Variants in TJP3 observed in about 807,000 individuals in gnomAD.
TJP3 encodes the protein tight junction protein 3, also known as tight junction protein ZO-3.
In TJP3, 85 loss-of-function variants were observed where a neutral mutation model predicts 104.2. That is an observed-to-expected ratio of 0.82 (90% confidence interval 0.68 to 0.98). The LOEUF (loss-of-function observed/expected upper bound fraction) is 0.98. Among genes scored for constraint, TJP3 ranks in the 50% least tolerant of loss-of-function variants. The probability of loss-of-function intolerance (pLI) is 0.00; values close to 1 mark genes in which losing one functional copy is unlikely to be tolerated. For synonymous variants in TJP3, 550 were observed against 550.6 expected, an observed-to-expected ratio of 1.00 and a Z score of 0.02; for missense variants, 1,367 against 1,322.8, an observed-to-expected ratio of 1.03 and a Z score of -0.52.
At position 3,750,763 on chromosome 19, in the gene TJP3, A is replaced by C. The variant is rs1457899874; in HGVS notation, c.*79A>C. 6.4e-6 allele frequency: 8 copies of C among 1,254,388 alleles called. No individual in the cohort carries two copies. The highest frequency in any genetic ancestry group is 9.1e-6 in the Non-Finnish European group (8 of 878,690). 77.7% of individuals were successfully genotyped at this position (1,254,388 alleles called of 1,614,324 possible). On this transcript the variant is annotated 3_prime_UTR_variant, in exon 21 of 21. Transcript: ENST00000541714. ...ACTCAGTTTCCCATACAGAACCCAC[A>C]ACCTTACCTCCCTCCGCCTGGTCTT... is the stretch of plus-strand genomic sequence containing the variant.
Position 3,740,771 on chromosome 19 carries a change from C to T in TJP3, c.1843+8C>T. Reference sequence around the variant, plus strand: ...GAGTGGTGTTGCGAGAAGGTGGGGCCCGGAGCTGGAGGGGCCCTGGGGAGG... The same window carrying T: ...GAGTGGTGTTGCGAGAAGGTGGGGCTCGGAGCTGGAGGGGCCCTGGGGAGG... On this transcript the variant is annotated splice_region_variant and intron_variant, in intron 14 of 20. Transcript: ENST00000541714. The T allele has an allele frequency of 6.4e-7, 1 of 1,556,214 alleles. No individual in the cohort carries two copies. The highest frequency in any genetic ancestry group is 8.7e-7 in the Non-Finnish European group (1 of 1,152,102).
intron 1 of TJP3, among the ~76,000 whole-genome samples, chr19:3,724,201 CTTT>C (rs915401225): frequency 1.4e-5 from 2 of 145,764 alleles, no homozygotes; most frequent in South Asian, 2.2e-4. Context: ...GGGGCTGTCT[CTTT>C]TTTTTTTTTG....
chr19:3,746,491 C>G lies in TJP3; in HGVS notation c.2017C>G (p.His673Asp). 1 of 1,613,862 alleles carries G rather than the reference C, an allele frequency of 6.2e-7. No individual in the cohort carries two copies. The highest frequency in any genetic ancestry group is 8.5e-7 in the Non-Finnish European group (1 of 1,179,986). ...TVRVIAEKDK[H>D]ALLDVTPSAI... Reference sequence around the variant, plus strand: ...GTCCGCCGGCCTGGCCCAGGACAAGCATGCGCTCCTGGATGTGACCCCCTC... The same window carrying G: ...GTCCGCCGGCCTGGCCCAGGACAAGGATGCGCTCCTGGATGTGACCCCCTC... The change falls in exon 17 of 21, where the codon CAT becomes GAT. Residue 673 changes from histidine (H) to aspartate (D), a missense_variant. Transcript: ENST00000541714. The surrounding 1 kb of genome is among the most constrained non-coding windows in gnomAD (Gnocchi z 4.1).
intron 20 of TJP3, 138 bp from the exon 21 acceptor site, chr19:3,750,441 TAAC>T (rs1240392190): frequency 1.2e-6 from 1 of 813,512 alleles, no homozygotes; most frequent in Non-Finnish European, 2.0e-6. Context: ...AGGAGTTTGT[TAAC>T]AAGGCCCTAC....
intron 1 of TJP3, among the ~76,000 whole-genome samples, chr19:3,710,361 C>T (rs138497308): frequency 6.6e-6 from 1 of 152,064 alleles, no homozygotes; most frequent in African/African-American, 2.4e-5. Context: ...TACCCCGGGC[C>T]GCACAGCCAA....
chr19:3,736,154 T>C lies in TJP3; in HGVS notation c.1128-11T>C. ...ACTCTGCTCTGACCCCATCTCTGCCTCCCCTTGCAGGTACAGCCCCGACAC... is the reference window on the plus strand; with the variant it reads ...ACTCTGCTCTGACCCCATCTCTGCCCCCCCTTGCAGGTACAGCCCCGACAC... On this transcript the variant is annotated splice_polypyrimidine_tract_variant and intron_variant, in intron 10 of 20. Transcript: ENST00000541714. 1 of 1,576,402 alleles carries C rather than the reference T, an allele frequency of 6.3e-7. No homozygotes were observed. Among genetic ancestry groups the C allele is most frequent in the South Asian group, 1.2e-5 (1 of 85,912 alleles).
At chr19:3,740,087 C>T (rs1038146708) in intron 13 of TJP3, among the ~76,000 whole-genome samples, 2 of 152,128 alleles carry the variant, frequency 1.3e-5, no homozygotes, top group Non-Finnish European at 2.9e-5. Flanking sequence ...CAAAAATTAG[C>T]TGGGCGTGGT....
chr19:3,732,683 T>A (rs1041883152), intron 6 of TJP3, among the ~76,000 whole-genome samples: 7 of 152,062 alleles, frequency 4.6e-5, no homozygotes, highest in Admixed American at 3.9e-4. Flanking sequence ...CTAATGTTTG[T>A]ATTTTTAGAA....
intron 15 of TJP3, among the ~76,000 whole-genome samples, chr19:3,745,272 G>A (rs940957838): frequency 6.7e-6 from 1 of 150,148 alleles, no homozygotes; most frequent in African/African-American, 2.5e-5. Context: ...TAGCCACCCT[G>A]GTAGCTGGGA....
At chr19:3,731,740 T>G (rs8105785) in intron 5 of TJP3, among the ~76,000 whole-genome samples, 195 bp from the exon 6 acceptor site, 17 of 152,106 alleles carry the variant, frequency 1.1e-4, no homozygotes, top group African/African-American at 4.1e-4. Context: ...CACGGTGACC[T>G]GGTGTCCCCG....
chr19:3,731,882 C>A, intron 5 of TJP3, 53 bp from the exon 6 acceptor site: 1 of 1,517,290 alleles, frequency 6.6e-7, no homozygotes, highest in Non-Finnish European at 9.1e-7. Flanking sequence ...GAGAATGCTC[C>A]CAGGCACCCG....
chr19:3,732,239 G>A (rs1157250589), intron 6 of TJP3, among the ~76,000 whole-genome samples: 2 of 152,112 alleles, frequency 1.3e-5, no homozygotes, highest in Non-Finnish European at 1.5e-5. Flanking sequence ...ACAGCCAAAT[G>A]TCGGTTTCTA....
At chr19:3,740,812 C>A in intron 14 of TJP3, 49 bp downstream of exon 14, 2 of 1,452,296 alleles carry the variant, frequency 1.4e-6, no homozygotes, top group East Asian at 5.0e-5. Context: ...CACACAGCTC[C>A]TGGTGCACCT....
At position 3,728,626 on chromosome 19, in the gene TJP3, T is replaced by C. The variant is rs760833385; in HGVS notation, c.71T>C (p.Ile24Thr). ...LSKDPRRGFG[I>T]AISGGRDRPG... ...CAGGACCCCCGCCGGGGCTTTGGCA[T>C]TGCGATCTCTGGAGGCCGAGACCGG... Residue 24 changes from isoleucine to threonine, a missense_variant, in exon 3 of 21, where the codon ATT becomes ACT. Coordinates refer to ENST00000541714, the MANE Select transcript of TJP3 (RefSeq NM_001267560.2). 1 of 1,613,504 alleles carries C rather than the reference T, an allele frequency of 6.2e-7. No homozygotes were observed.
At position 3,746,510 on chromosome 19, in the gene TJP3, C is replaced by A. The variant is rs550951854; in HGVS notation, c.2036C>A (p.Thr679Asn). 6.2e-7 allele frequency: 1 copy of A among 1,614,002 alleles called. No individual in the cohort carries two copies. Among genetic ancestry groups the A allele is most frequent in the Non-Finnish European group, 8.5e-7 (1 of 1,180,022 alleles). ...GACAAGCATGCGCTCCTGGATGTGA[C>A]CCCCTCCGCCATCGAGCGCCTCAAC... ...EKDKHALLDVTPSAIERLNYV... is the reference protein window; with the variant it reads ...EKDKHALLDVNPSAIERLNYV... The change falls in exon 17 of 21, where the codon ACC becomes AAC. Residue 679 changes from threonine (T) to asparagine (N), a missense_variant. Transcript: ENST00000541714. The surrounding 1 kb of genome is among the most constrained non-coding windows in gnomAD (Gnocchi z 4.1).
At chr19:3,742,306 G>A (rs1339770014) in intron 14 of TJP3, among the ~76,000 whole-genome samples, 2 of 151,750 alleles carry the variant, frequency 1.3e-5, no homozygotes, top group Non-Finnish European at 2.9e-5. Flanking sequence ...GTGGTGGTAC[G>A]CCAGTAGTCC....
At chr19:3,744,289 G>A (rs560717891) in intron 15 of TJP3, among the ~76,000 whole-genome samples, 1 of 152,260 alleles carries the variant, frequency 6.6e-6, no homozygotes, top group South Asian at 2.1e-4. Context: ...CCTGTTATTT[G>A]TTTAAGAGAA....
chr19:3,718,950 G>A (rs1201587921), intron 1 of TJP3, among the ~76,000 whole-genome samples: 5 of 151,968 alleles, frequency 3.3e-5, no homozygotes, highest in Admixed American at 2.0e-4. Context: ...TTCAGAGGCC[G>A]AGGTGGGTGG....
Position 3,746,333 on chromosome 19 carries a change from G to A in TJP3, c.2011-152G>A. The A allele has an allele frequency of 1.2e-6, 1 of 861,754 alleles. No individual in the cohort carries two copies. Among genetic ancestry groups the A allele is most frequent in the East Asian group, 2.6e-5 (1 of 37,834 alleles). The allele number at this position is 861,754 out of a possible 1,614,324, so 53.4% of individuals were successfully genotyped here. A position where few individuals can be genotyped will look rare whatever the true frequency, so the allele number is the denominator to read the frequency against. On this transcript the variant is annotated intron_variant, in intron 16 of 20. Transcript: ENST00000541714. This position sits in a 1 kb window ranked among gnomAD's most constrained non-coding sequence, Gnocchi z 4.1. ...TTTGATGCCCAAGATGCTGCGACCTGGGCTGTTACCACCCCCATCCCCAAC... is the reference window on the plus strand; with the variant it reads ...TTTGATGCCCAAGATGCTGCGACCTAGGCTGTTACCACCCCCATCCCCAAC...
Sources: gnomAD v4.1 joint callset for allele counts (sites outside exome capture counted in the v4.1 genomes callset) on GRCh38, gnomAD v4.1.1 for gene constraint, Gnocchi (gnomAD v3.1) non-coding constraint, MANE v1.5 for transcripts, NCBI Gene and HGNC (gene_info 2026-07-23, HGNC 2026-07-21) for gene names.